Variants in HIP1R observed in about 807,000 individuals in gnomAD.
HIP1R encodes the protein huntingtin-interacting protein 1-related protein.
Under a neutral mutation model 144.2 loss-of-function variants are expected in HIP1R, and 135 were observed. That is an observed-to-expected ratio of 0.94 (90% CI 0.81 to 1.08). HIP1R has a LOEUF of 1.08. HIP1R is among the 50% of genes least tolerant of loss of function. The probability of loss-of-function intolerance (pLI) is 0.00; values close to 1 mark genes in which losing one functional copy is unlikely to be tolerated. For synonymous variants in HIP1R, 698 were observed against 612.8 expected (o/e 1.14, Z -2.05); for missense variants, 1,462 against 1,432.8 (o/e 1.02, Z -0.33).
chr12:122,856,750 A>G (rs897385), intron 17 of HIP1R, 24 bp downstream of exon 17: 1,340,106 of 1,540,378 alleles, frequency 0.87, 585,194 homozygotes, highest in Admixed American at 0.93. Flanking sequence ...TGATGACTGG[A>G]GGTGGGGTTC....
In HIP1R at chr12:122,836,816, T is replaced by C. The variant is rs1047012554; in HGVS notation, c.93+1173T>C. Among the ~76,000 whole-genome samples, 9 of 152,160 alleles carry C rather than the reference T, an allele frequency of 5.9e-5. No homozygotes were observed. Among genetic ancestry groups the C allele is most frequent in the African/African-American group, 2.2e-4 (9 of 41,424 alleles). On this transcript the variant is annotated intron_variant, in intron 1 of 31. Transcript: ENST00000253083. The surrounding 1 kb of genome is among the most constrained non-coding windows in gnomAD (Gnocchi z 4.1). ...CTCTACAACAGCTTTCGTTTTGAAA[T>C]GAGAGAGAACGCAGGGAGACCTTCT...
rs1462232313 is a variant in HIP1R, at chr12:122,856,414, C to T, written c.1402-18C>T. On this transcript the variant is annotated intron_variant, in intron 15 of 31. Transcript: ENST00000253083. The stretch of plus-strand genomic sequence containing the variant: ...CGGGGATGGCAGCAGAGCATGAGCC[C>T]TTCCCCTGCCCATGCAGAACGCGGA... 3 of 1,602,408 alleles carry T rather than the reference C, an allele frequency of 1.9e-6. No individual in the cohort carries two copies. Among genetic ancestry groups the T allele is most frequent in the East Asian group, 2.3e-5 (1 of 44,182 alleles).
chr12:122,838,894 C>A (rs939424791), intron 1 of HIP1R, among the ~76,000 whole-genome samples: 2 of 152,166 alleles, frequency 1.3e-5, no homozygotes, highest in African/African-American at 4.8e-5. Flanking sequence ...CTGGAAAAGG[C>A]GAGGAAATGG....
intron 1 of HIP1R, among the ~76,000 whole-genome samples, chr12:122,846,667 G>A (rs1055642181): frequency 4.6e-5 from 7 of 152,186 alleles, no homozygotes; most frequent in Admixed American, 3.3e-4. Context: ...AGGGAGCAGG[G>A]CTCAGGGCAG....
At chr12:122,858,477 C>A in intron 20 of HIP1R, 42 bp downstream of exon 20, 1 of 1,487,758 alleles carries the variant, frequency 6.7e-7, no homozygotes, top group Non-Finnish European at 9.1e-7. Context: ...GGCTGTGTCC[C>A]AGTTCCAGCG....
chr12:122,856,962 C>T (rs1226631219), intron 17 of HIP1R, 59 bp from the exon 18 acceptor site: 2 of 1,168,498 alleles, frequency 1.7e-6, no homozygotes, highest in Non-Finnish European at 2.3e-6. Context: ...AGCGTGGGGG[C>T]AGGGTGGGTG....
chr12:122,853,979 C>G, intron 7 of HIP1R, 64 bp from the exon 8 acceptor site: 1 of 1,541,022 alleles, frequency 6.5e-7, no homozygotes, highest in African/African-American at 1.4e-5. Flanking sequence ...CACAGTTGGA[C>G]CACCTTGGAC....
chr12:122,841,447 C>T lies in HIP1R; in HGVS notation c.93+5804C>T, dbSNP rs148388972. Among the ~76,000 whole-genome samples, 8 of 152,294 alleles carry T rather than the reference C, an allele frequency of 5.3e-5. No individual in the cohort carries two copies. The East Asian group carries it at 1.4e-3, about 26-fold the overall frequency. ...ACCCTGGGGTCATCAGGCAGGGCCGCGTCGTAAGTGGCTGGATGAGTGGAT... is the reference window on the plus strand; with the variant it reads ...ACCCTGGGGTCATCAGGCAGGGCCGTGTCGTAAGTGGCTGGATGAGTGGAT... On this transcript the variant is annotated intron_variant, in intron 1 of 31. Transcript: ENST00000253083.
chr12:122,858,166 C>CT lies in HIP1R; in HGVS notation c.1881dup (p.Ala628CysfsTer168). 6.2e-7 allele frequency: 1 copy of CT among 1,606,978 alleles called. No homozygotes were observed. The highest frequency in any genetic ancestry group is 8.5e-7 in the Non-Finnish European group (1 of 1,178,460). ...GAGCAGTTCGCAGTGTTGCGGGGCG[C>CT]TGCTGCCGAGGCCGCGGGCATCCTG... On this transcript the variant is annotated frameshift_variant, in exon 19 of 32. Coordinates refer to ENST00000253083, the MANE Select transcript of HIP1R (RefSeq NM_003959.3). LOFTEE classifies it high-confidence loss of function.
At position 122,855,874 on chromosome 12, in the gene HIP1R, C is replaced by T. The variant is rs868554228; in HGVS notation, c.1099C>T (p.Arg367Cys). The change falls in exon 13 of 32, where the codon CGC becomes TGC. Residue 367 changes from arginine to cysteine, a missense_variant. This residue lies in a region of HIP1R where 1,112 missense variants were observed against 1,011.7 expected (regional missense o/e 1.10). Coordinates refer to ENST00000253083, the MANE Select transcript of HIP1R (RefSeq NM_003959.3). ...ESLKREVEML[R>C]SELEKIKLEA... ...CTTGAAGAGAGAGGTGGAAATGCTC[C>T]GCTCTGAACTGGAGAAGATCAAGCT... 3.8e-5 allele frequency: 56 copies of T among 1,484,366 alleles called. No homozygotes were observed. The highest frequency in any genetic ancestry group is 1.8e-4 in the Admixed American group (9 of 50,246). 91.9% of individuals were successfully genotyped at this position (1,484,366 alleles called of 1,614,324 possible).
intron 1 of HIP1R, among the ~76,000 whole-genome samples, chr12:122,846,642 C>A (rs2135642984): frequency 6.6e-6 from 1 of 152,308 alleles, no homozygotes; most frequent in Admixed American, 6.5e-5. Context: ...GGGACCGCAG[C>A]TCCTCCCCGA....
At chr12:122,851,209 A>C in intron 6 of HIP1R, 27 bp from the exon 7 acceptor site, 3 of 1,483,454 alleles carry the variant, frequency 2.0e-6, no homozygotes, top group Non-Finnish European at 2.7e-6. Context: ...ACCCTTTTTC[A>C]TTTCTTCCCC....
At chr12:122,854,808 G>T in intron 8 of HIP1R, 97 bp from the exon 9 acceptor site, 3 of 1,316,572 alleles carry the variant, frequency 2.3e-6, no homozygotes, top group South Asian at 2.5e-5. Context: ...GGTGATCTCT[G>T]ATCTGTGAGT....
chr12:122,858,870 T>G lies in HIP1R; in HGVS notation c.2083T>G (p.Phe695Val), dbSNP rs199595596. 21 of 1,613,164 alleles carry G rather than the reference T, an allele frequency of 1.3e-5. No homozygotes were observed. In the African/African-American group the frequency reaches 1.7e-4, roughly 13 times the overall value. The change falls in exon 21 of 32, where the codon TTC becomes GTC. Residue 695 changes from phenylalanine (F) to valine (V), a missense_variant. Transcript: ENST00000253083. ...ASALVAALTRFSHLAADTIIN... is the reference protein window; with the variant it reads ...ASALVAALTRVSHLAADTIIN... ...CGCCCTGGTGGCAGCTCTGACCCGC[T>G]TCTCCCACCTGGCTGCGGATACCAT... is the stretch of plus-strand genomic sequence containing the variant.
In HIP1R at chr12:122,856,170, G is replaced by C; in HGVS notation, c.1312+7G>C. The C allele has an allele frequency of 1.2e-6, 2 of 1,607,356 alleles. No homozygotes were observed. Among genetic ancestry groups the C allele is most frequent in the African/African-American group, 2.7e-5 (2 of 74,952 alleles). Reference sequence around the variant, plus strand: ...CTGCGTGAGGAGGCTGAGAGTACGTGGGGCCTTGGCCACAGGGGTCCAAGG... The same window carrying C: ...CTGCGTGAGGAGGCTGAGAGTACGTCGGGCCTTGGCCACAGGGGTCCAAGG... On this transcript the variant is annotated splice_region_variant and intron_variant, in intron 14 of 31. Transcript: ENST00000253083.
In HIP1R at chr12:122,861,204, T is replaced by C; in HGVS notation, c.2952+12T>C. On this transcript the variant is annotated intron_variant, in intron 30 of 31. Transcript: ENST00000253083. Reference sequence around the variant, plus strand: ...AGATGGAGACCCAGGTAGGCGCCCATGGCTGCCCCGTGACCTCTGAGCTCA... The same window carrying C: ...AGATGGAGACCCAGGTAGGCGCCCACGGCTGCCCCGTGACCTCTGAGCTCA... 4.0e-6 allele frequency: 6 copies of C among 1,507,790 alleles called. No homozygotes were observed. The highest frequency in any genetic ancestry group is 5.3e-6 in the Non-Finnish European group (6 of 1,126,126). 93.4% of individuals were successfully genotyped at this position (1,507,790 alleles called of 1,614,324 possible). A position where few individuals can be genotyped will look rare whatever the true frequency, so the allele number is the denominator to read the frequency against.
chr12:122,855,141 A>C lies in HIP1R; in HGVS notation c.852+13A>C. Reference sequence around the variant, plus strand: ...CCGGCTGCCCGAGGTACCACCCCCAAGAGGGCCCCGAGGCCCTTTGAGGAC... The same window carrying C: ...CCGGCTGCCCGAGGTACCACCCCCACGAGGGCCCCGAGGCCCTTTGAGGAC... On this transcript the variant is annotated intron_variant, in intron 10 of 31. Coordinates refer to ENST00000253083, the MANE Select transcript of HIP1R (RefSeq NM_003959.3). 1 of 1,613,182 alleles carries C rather than the reference A, an allele frequency of 6.2e-7. No homozygotes were observed. The highest frequency in any genetic ancestry group is 8.5e-7 in the Non-Finnish European group (1 of 1,179,860).
At position 122,860,540 on chromosome 12, in the gene HIP1R, G is replaced by A. The variant is rs749794053; in HGVS notation, c.2660+17G>A. 1.0e-5 allele frequency: 16 copies of A among 1,570,504 alleles called. No homozygotes were observed. The highest frequency in any genetic ancestry group is 2.7e-5 in the African/African-American group (2 of 73,346). On this transcript the variant is annotated intron_variant, in intron 27 of 31. Transcript: ENST00000253083. ...ACAGCTGGTGTAGGTTGCCCTGGGTGGGGGGGGGCAGGGGGCTGCTTCCTG... is the reference window on the plus strand; with the variant it reads ...ACAGCTGGTGTAGGTTGCCCTGGGTAGGGGGGGGCAGGGGGCTGCTTCCTG...
intron 18 of HIP1R, chr12:122,857,536 C>T (rs374834304): frequency 2.5e-4 from 119 of 485,598 alleles, no homozygotes; most frequent in African/African-American, 1.8e-3. Flanking sequence ...TGCTGTGGGC[C>T]TTTGAGCACA....
Sources: allele counts gnomAD v4.1 joint callset (sites outside exome capture counted in the v4.1 genomes callset), GRCh38; gene constraint gnomAD v4.1.1; regional missense constraint gnomAD v4.1.1; non-coding constraint Gnocchi (gnomAD v3.1); transcripts MANE v1.5; gene names NCBI Gene and HGNC (gene_info 2026-07-23, HGNC 2026-07-21).